ZNF841: variants seen among roughly 807,000 people sequenced by gnomAD.
ZNF841 encodes the protein TCONS_00006091.
ZNF841 carries 11 observed loss-of-function variants against 13.0 expected under a neutral mutation model. The observed-to-expected ratio is 0.85, with a 90% CI of 0.53 to 1.40. The LOEUF is 1.40. Ranked by LOEUF, ZNF841 falls within the 40% of genes most tolerant of loss-of-function variation. The pLI is 0.00. For synonymous variants in ZNF841, 369 were observed against 381.6 expected, an observed-to-expected ratio of 0.97 and a Z score of 0.38; for missense variants, 1,068 against 1,139.5, an observed-to-expected ratio of 0.94 and a Z score of 0.90.
downstream of ZNF841, among the ~76,000 whole-genome samples, chr19:52,062,915 G>A (rs12460658): frequency 0.16 from 21,998 of 138,608 alleles, 2,107 homozygotes; most frequent in East Asian, 0.39. Context: ...TTGCTCTGTC[G>A]CCCAGGCTGG....
chr19:52,090,711 A>AAGAAAG (rs1568549817), intron 2 of ZNF841, among the ~76,000 whole-genome samples: 63 of 139,884 alleles, frequency 4.5e-4, no homozygotes, highest in Admixed American at 4.4e-3. Context: ...AAGAAAGAGA[A>AAGAAAG]AGAAAGAAAG....
At chr19:52,070,324 G>A (rs534133421) in intron 6 of ZNF841, among the ~76,000 whole-genome samples, 37 of 152,276 alleles carry the variant, frequency 2.4e-4, no homozygotes, top group Non-Finnish European at 4.4e-4. Context: ...AAAGACAAGA[G>A]ACAAAAGAGT....
At chr19:52,074,354 G>A (rs531095088) in intron 6 of ZNF841, among the ~76,000 whole-genome samples, 1 of 152,234 alleles carries the variant, frequency 6.6e-6, no homozygotes, top group South Asian at 2.1e-4. Context: ...GAATTTTGTG[G>A]ACTTAAAAAA....
chr19:52,070,132 T>C (rs1011215871), intron 6 of ZNF841, among the ~76,000 whole-genome samples: 1 of 152,116 alleles, frequency 6.6e-6, no homozygotes, highest in African/African-American at 2.4e-5. Flanking sequence ...ATCAAACATG[T>C]TTTTTAAAAA....
intron 6 of ZNF841, 87 bp from the exon 7 acceptor site, chr19:52,067,697 A>C: frequency 1.1e-6 from 1 of 923,056 alleles, no homozygotes; most frequent in Non-Finnish European, 1.5e-6. Context: ...GCTAAACATA[A>C]TGTTTATACT....
chr19:52,072,534 CA>C (rs537161823), intron 6 of ZNF841, among the ~76,000 whole-genome samples: 614 of 152,206 alleles, frequency 4.0e-3, no homozygotes, highest in Middle Eastern at 0.017. Context: ...AGATTATCAA[CA>C]AATATGTGGA....
intron 3 of ZNF841, among the ~76,000 whole-genome samples, chr19:52,087,637 A>G (rs1362324688): frequency 3.9e-5 from 6 of 152,086 alleles, no homozygotes; most frequent in Non-Finnish European, 1.5e-5. Context: ...TGAGTGCCAC[A>G]TTATCAAACT....
In ZNF841 at chr19:52,065,980, G is replaced by A. The variant is rs1265585234; in HGVS notation, c.1902C>T (p.Phe634=). ...GACGTGCTAGGCATGAGTAGTAACT[G>A]AAGACCTTGCCGCATTCGTTACACT... ...PFQCNECGKV[F]SYYSCLARHR... The change falls in exon 7 of 7, where the codon TTC becomes TTT. Residue 634 remains phenylalanine (F), a synonymous_variant. Transcript: ENST00000594440. 2.5e-6 allele frequency: 4 copies of A among 1,614,064 alleles called. No individual in the cohort carries two copies. Among genetic ancestry groups the A allele is most frequent in the Admixed American group, 3.3e-5 (2 of 60,010 alleles).
intron 4 of ZNF841, among the ~76,000 whole-genome samples, chr19:52,081,430 A>C (rs1376300231): frequency 6.6e-6 from 1 of 152,264 alleles, no homozygotes; most frequent in East Asian, 1.9e-4. Flanking sequence ...TTGAAATAGC[A>C]GCCACAAGAA....
At chr19:52,074,759 C>T (rs536009031) in intron 6 of ZNF841, among the ~76,000 whole-genome samples, 1 of 152,276 alleles carries the variant, frequency 6.6e-6, no homozygotes, top group Non-Finnish European at 1.5e-5. Context: ...TCAGGTGATC[C>T]ACCCGCCTCA....
intron 4 of ZNF841, 51 bp from the exon 5 acceptor site, chr19:52,077,135 T>C: frequency 6.5e-7 from 1 of 1,540,964 alleles, no homozygotes. Flanking sequence ...CTCTTATCTT[T>C]ACATAAAATG....
At chr19:52,082,333 G>C (rs895594608) in intron 4 of ZNF841, among the ~76,000 whole-genome samples, 26 of 152,246 alleles carry the variant, frequency 1.7e-4, no homozygotes, top group African/African-American at 5.8e-4. Flanking sequence ...AAAGAAAATG[G>C]AGAGGTTTGC....
At chr19:52,088,065 G>C (rs2088345855) in intron 3 of ZNF841, among the ~76,000 whole-genome samples, 1 of 146,550 alleles carries the variant, frequency 6.8e-6, no homozygotes, top group Non-Finnish European at 1.5e-5. Flanking sequence ...AACAAAGGTA[G>C]CCCCCCTAAA....
rs893821066 is a variant in ZNF841 at position 52,067,774 on chromosome 19, T to C, written c.272-164A>G. ...GAAATGCAAAATGAATAGAATTCTATAGTAAAGAAAAAGTGATTACATGTA... is the reference window on the plus strand; with the variant it reads ...GAAATGCAAAATGAATAGAATTCTACAGTAAAGAAAAAGTGATTACATGTA... On this transcript the variant is annotated intron_variant, in intron 6 of 6. Transcript: ENST00000594440. Among the ~76,000 whole-genome samples, 8 of 152,260 alleles carry C rather than the reference T, an allele frequency of 5.3e-5. No homozygotes were observed. The East Asian group carries it at 7.7e-4, about 15-fold the overall frequency.
intron 3 of ZNF841, among the ~76,000 whole-genome samples, chr19:52,088,270 A>T (rs901751011): frequency 1.3e-5 from 2 of 152,162 alleles, no homozygotes; most frequent in Non-Finnish European, 2.9e-5. Context: ...TTCTCACTTC[A>T]GTTGACGATA....
chr19:52,081,992 A>G (rs2088115262), intron 4 of ZNF841, among the ~76,000 whole-genome samples: 1 of 152,214 alleles, frequency 6.6e-6, no homozygotes, highest in South Asian at 2.1e-4. Flanking sequence ...GACACGGAGG[A>G]AAACAAAAAC....
At chr19:52,094,792 G>A (rs2088616205) in intron 1 of ZNF841, among the ~76,000 whole-genome samples, 1 of 151,836 alleles carries the variant, frequency 6.6e-6, no homozygotes, top group Non-Finnish European at 1.5e-5. Context: ...CTGTCTGTCT[G>A]CAGTGCCTCC....
Position 52,076,982 on chromosome 19 carries a change from T to C in ZNF841, c.118A>G (p.Asn40Asp). 6 of 1,613,218 alleles carry C rather than the reference T, an allele frequency of 3.7e-6. No individual in the cohort carries two copies. The highest frequency in any genetic ancestry group is 5.1e-6 in the Non-Finnish European group (6 of 1,179,438). Residue 40 changes from asparagine to aspartate, a missense_variant, in exon 5 of 7, where the codon AAC (asparagine) becomes GAC (aspartate). Coordinates refer to ENST00000594440, the MANE Select transcript of ZNF841 (RefSeq NM_001136499.2). ...KALYRDVMLE[N>D]YRNLGFLGLC... is the part of the protein sequence containing the mutation. ...CCCAGGAAGCCGAGGTTCCTGTAGT[T>C]CTCCAACATCACGTCCCTGTACAAA...
At chr19:52,092,606 G>C (rs557855052) in intron 2 of ZNF841, among the ~76,000 whole-genome samples, 21 of 152,244 alleles carry the variant, frequency 1.4e-4, no homozygotes, top group African/African-American at 4.3e-4. Context: ...ATTAAAAATA[G>C]AACAACAATG....
Sources: allele counts gnomAD v4.1 joint callset (sites outside exome capture counted in the v4.1 genomes callset), GRCh38; gene constraint gnomAD v4.1.1; transcripts MANE v1.5; gene names NCBI Gene and HGNC (gene_info 2026-07-23, HGNC 2026-07-21).